The following FTCDNL1 variants were observed in gnomAD, a reference collection of about 807,000 sequenced individuals.
FTCDNL1 encodes formiminotransferase cyclodeaminase N-terminal like.
Under a neutral mutation model 5.9 loss-of-function variants are expected in FTCDNL1, and 11 were observed. The ratio of observed to expected loss-of-function variants is 1.87; its 90% CI spans 1.18 to 3.10. The LOEUF is 3.10. FTCDNL1 is among the 30% of genes most tolerant of loss of function. FTCDNL1 has a pLI of 0.00. For synonymous variants in FTCDNL1, 58 were observed against 24.8 expected (o/e 2.34, Z -3.99); for missense variants, 115 against 65.5 (o/e 1.76, Z -2.61).
chr2:199,842,418 G>A (rs2076615203), intron 3 of FTCDNL1, among the ~76,000 whole-genome samples: 1 of 152,046 alleles, frequency 6.6e-6, no homozygotes, highest in African/African-American at 2.4e-5. Context: ...TCAAGTTCAG[G>A]CTGCCCTCAC....
the FTCDNL1 span, among the ~76,000 whole-genome samples, chr2:199,751,916 A>T: frequency 6.6e-6 from 1 of 151,932 alleles, no homozygotes; most frequent in African/African-American, 2.4e-5. Flanking sequence ...TTGGGGGGCC[A>T]GTTAGGACAT....
chr2:199,697,666 C>G, the FTCDNL1 span, among the ~76,000 whole-genome samples: 1 of 152,120 alleles, frequency 6.6e-6, no homozygotes, highest in African/African-American at 2.4e-5. Flanking sequence ...TTACCAACCA[C>G]CATAAAAACA....
chr2:199,703,262 T>C, the FTCDNL1 span, among the ~76,000 whole-genome samples: 791 of 151,338 alleles, frequency 5.2e-3, 5 homozygotes, highest in African/African-American at 0.018. Flanking sequence ...GGTTTTATTC[T>C]AAGAGTAATA....
chr2:199,714,653 C>T, the FTCDNL1 span, among the ~76,000 whole-genome samples: 1 of 152,068 alleles, frequency 6.6e-6, no homozygotes, highest in East Asian at 1.9e-4. Flanking sequence ...CCAGGTGAAA[C>T]AAAGCTTGGC....
intron 3 of FTCDNL1, among the ~76,000 whole-genome samples, chr2:199,837,706 T>C (rs2106622448): frequency 6.6e-6 from 1 of 152,310 alleles, no homozygotes; most frequent in Non-Finnish European, 1.5e-5. Flanking sequence ...CTGATCAAAG[T>C]CCTTAATGTT....
At chr2:199,815,091 T>C (rs1701272538) in intron 4 of FTCDNL1, among the ~76,000 whole-genome samples, 1 of 152,246 alleles carries the variant, frequency 6.6e-6, no homozygotes, top group Non-Finnish European at 1.5e-5. Flanking sequence ...CAGCAGTGTT[T>C]AAATTACCCC....
At chr2:199,710,023 T>G in the FTCDNL1 span, among the ~76,000 whole-genome samples, 1 of 152,120 alleles carries the variant, frequency 6.6e-6, no homozygotes, top group Non-Finnish European at 1.5e-5. Flanking sequence ...ACCCCAAAAT[T>G]AAACCTCATG....
chr2:199,746,270 G>A, the FTCDNL1 span, among the ~76,000 whole-genome samples: 1 of 152,278 alleles, frequency 6.6e-6, no homozygotes, highest in African/African-American at 2.4e-5. Flanking sequence ...ATCTCTAACA[G>A]TGGCAACAGG....
chr2:199,789,739 C>T (rs1297285912), intron 3 of FTCDNL1, among the ~76,000 whole-genome samples: 3 of 151,878 alleles, frequency 2.0e-5, no homozygotes, highest in African/African-American at 7.3e-5. Flanking sequence ...AAATAAAAAC[C>T]TTTAGAATAA....
chr2:199,788,787 A>G (rs1029340502), intron 3 of FTCDNL1, among the ~76,000 whole-genome samples: 2 of 152,016 alleles, frequency 1.3e-5, no homozygotes, highest in Non-Finnish European at 2.9e-5. Context: ...TAAAAAAAAG[A>G]CTCACAAGCC....
At chr2:199,765,742 C>G (rs1392062705) in intron 3 of FTCDNL1, among the ~76,000 whole-genome samples, 3 of 151,172 alleles carry the variant, frequency 2.0e-5, no homozygotes, top group African/African-American at 7.3e-5. Flanking sequence ...CGGGTTTCAC[C>G]GTGTTGCCCA....
At chr2:199,664,003 T>C in the FTCDNL1 span, among the ~76,000 whole-genome samples, 1 of 151,706 alleles carries the variant, frequency 6.6e-6, no homozygotes, top group Non-Finnish European at 1.5e-5. Flanking sequence ...ACGGATACAC[T>C]GACGTGCTCT....
the FTCDNL1 span, among the ~76,000 whole-genome samples, chr2:199,688,853 A>G: frequency 6.6e-6 from 1 of 152,186 alleles, no homozygotes; most frequent in Non-Finnish European, 1.5e-5. Context: ...GCATTATGAT[A>G]AGATGCCTGC....
At chr2:199,793,373 G>A (rs1363498590) in intron 3 of FTCDNL1, among the ~76,000 whole-genome samples, 4 of 152,076 alleles carry the variant, frequency 2.6e-5, no homozygotes, top group African/African-American at 4.8e-5. Context: ...AGGAGGGGGG[G>A]CATTACTTGA....
chr2:199,739,998 G>T, the FTCDNL1 span, among the ~76,000 whole-genome samples: 3 of 152,112 alleles, frequency 2.0e-5, no homozygotes, highest in Non-Finnish European at 2.9e-5. Flanking sequence ...GATGAACACT[G>T]CCCCCTGCTG....
chr2:199,691,251 C>A, the FTCDNL1 span, among the ~76,000 whole-genome samples: 1 of 152,352 alleles, frequency 6.6e-6, no homozygotes, highest in African/African-American at 2.4e-5. Flanking sequence ...TGGCTCACTG[C>A]AACCTCCGCC....
At chr2:199,723,226 T>C in the FTCDNL1 span, among the ~76,000 whole-genome samples, 1 of 152,156 alleles carries the variant, frequency 6.6e-6, no homozygotes, top group Non-Finnish European at 1.5e-5. Flanking sequence ...TTTTTGCACA[T>C]AGATTTTGTA....
chr2:199,778,213 A>C (rs145791691), intron 3 of FTCDNL1, among the ~76,000 whole-genome samples: 3 of 152,300 alleles, frequency 2.0e-5, no homozygotes, highest in East Asian at 1.9e-4. Flanking sequence ...TTAGGTCTGG[A>C]GAGGAACTAG....
chr2:199,849,127 A>T (rs1479954776), intron 1 of FTCDNL1, among the ~76,000 whole-genome samples, 158 bp from the exon 2 acceptor site: 1 of 152,232 alleles, frequency 6.6e-6, no homozygotes, highest in Non-Finnish European at 1.5e-5. Context: ...AAATCTCCAG[A>T]TTGACTAAAA....
Sources: gnomAD v4.1 joint callset for allele counts (sites outside exome capture counted in the v4.1 genomes callset) on GRCh38, gnomAD v4.1.1 for gene constraint, MANE v1.5 for transcripts, NCBI Gene and HGNC (gene_info 2026-07-23, HGNC 2026-07-21) for gene names.